SHISA6: variants seen among roughly 807,000 people sequenced by gnomAD.
SHISA6 encodes shisa family member 6, also known as protein shisa-6.
In SHISA6, 22 loss-of-function variants were observed where a neutral mutation model predicts 47.9. That is an observed-to-expected ratio of 0.46 (90% CI 0.33 to 0.66). The LOEUF is 0.66. Among genes scored for constraint, SHISA6 ranks in the 30% least tolerant of loss-of-function variants. The pLI is 0.02. For missense variants in SHISA6, 680 were observed against 764.6 expected, an observed-to-expected ratio of 0.89 and a Z score of 1.30; for synonymous variants, 388 against 337.8, an observed-to-expected ratio of 1.15 and a Z score of -1.63.
intron 3 of SHISA6, among the ~76,000 whole-genome samples, chr17:11,413,018 G>T (rs761236137): frequency 6.6e-6 from 1 of 152,100 alleles, no homozygotes; most frequent in Non-Finnish European, 1.5e-5. Flanking sequence ...ATTACTGGGG[G>T]AAAGGCATGA....
At chr17:11,388,246 C>G (rs1448189350) in intron 3 of SHISA6, among the ~76,000 whole-genome samples, 1 of 152,128 alleles carries the variant, frequency 6.6e-6, no homozygotes, top group African/African-American at 2.4e-5. Context: ...CAGAAGGCGT[C>G]GAGTCTCCAT....
intron 3 of SHISA6, among the ~76,000 whole-genome samples, chr17:11,444,073 C>CT (rs1474090047): frequency 6.6e-6 from 1 of 152,170 alleles, no homozygotes; most frequent in African/African-American, 2.4e-5. Flanking sequence ...AATCCCAACA[C>CT]TTTGGGAGGC....
intron 3 of SHISA6, among the ~76,000 whole-genome samples, chr17:11,526,440 AC>A (rs1232357628): frequency 6.6e-6 from 1 of 152,110 alleles, no homozygotes; most frequent in Non-Finnish European, 1.5e-5. Flanking sequence ...ACTATTTTCT[AC>A]CTGCTCCACA....
intron 2 of SHISA6, among the ~76,000 whole-genome samples, chr17:11,309,280 G>A (rs985875038): frequency 1.3e-5 from 2 of 152,220 alleles, no homozygotes; most frequent in African/African-American, 4.8e-5. Flanking sequence ...TGAAGCAAGT[G>A]TTTGCTGGCA....
chr17:11,327,967 TACAC>T (rs558438609), intron 2 of SHISA6, among the ~76,000 whole-genome samples: 55 of 152,150 alleles, frequency 3.6e-4, no homozygotes, highest in African/African-American at 1.2e-3. Context: ...CTCTCATAGA[TACAC>T]ACACACAGTT....
chr17:11,476,092 T>C (rs1159929662), intron 3 of SHISA6, among the ~76,000 whole-genome samples: 1 of 152,036 alleles, frequency 6.6e-6, no homozygotes, highest in African/African-American at 2.4e-5. Flanking sequence ...ATAGTACTTC[T>C]TTATTATTCT....
intron 1 of SHISA6, among the ~76,000 whole-genome samples, chr17:11,253,615 A>C (rs541808801): frequency 6.6e-6 from 1 of 152,120 alleles, no homozygotes; most frequent in East Asian, 1.9e-4. Flanking sequence ...TGTTTCGTTG[A>C]TAGGGATTAG....
chr17:11,274,665 T>C (rs893817223), intron 2 of SHISA6, among the ~76,000 whole-genome samples: 23 of 152,276 alleles, frequency 1.5e-4, no homozygotes, highest in Non-Finnish European at 7.4e-5. Flanking sequence ...CGTAGCTAGA[T>C]GTGCCACACC....
intron 2 of SHISA6, among the ~76,000 whole-genome samples, chr17:11,276,665 A>G (rs1908905345): frequency 6.6e-6 from 1 of 151,908 alleles, no homozygotes; most frequent in Non-Finnish European, 1.5e-5. Context: ...CATGACCATC[A>G]CCACTGCCAT....
chr17:11,481,799 T>C (rs1201232661), intron 3 of SHISA6, among the ~76,000 whole-genome samples: 3 of 151,700 alleles, frequency 2.0e-5, no homozygotes, highest in Non-Finnish European at 2.9e-5. Flanking sequence ...CCCCTGAAGA[T>C]ATATTTAAGA....
intron 3 of SHISA6, among the ~76,000 whole-genome samples, chr17:11,386,143 A>G (rs1913187973): frequency 6.6e-6 from 1 of 152,198 alleles, no homozygotes; most frequent in African/African-American, 2.4e-5. Flanking sequence ...TGGGAGGCCA[A>G]GGAGGGCAGA....
Position 11,332,245 on chromosome 17 carries a change from A to G in SHISA6, c.800-47169A>G, listed in dbSNP as rs1046340685. Reference sequence around the variant, plus strand: ...GAGACAGAAGCGCCAGCGTTGGGGAAAAAAAAAAAATGGAAAGACAATAAT... The same window carrying G: ...GAGACAGAAGCGCCAGCGTTGGGGAGAAAAAAAAAATGGAAAGACAATAAT... On this transcript the variant is annotated intron_variant, in intron 2 of 5. Transcript: ENST00000441885. 1.2e-3 allele frequency among the ~76,000 whole-genome samples: 31 copies of G among 25,540 alleles called. No homozygotes were observed. In the South Asian group the frequency reaches 0.09, roughly 74 times the overall value. 16.8% of individuals were successfully genotyped at this position (25,540 alleles called of 152,430 possible).
chr17:11,523,822 A>G (rs1191649447), intron 3 of SHISA6, among the ~76,000 whole-genome samples: 1 of 152,062 alleles, frequency 6.6e-6, no homozygotes, highest in Non-Finnish European at 1.5e-5. Context: ...CCTGACCGAC[A>G]TGGAGAAACT....
chr17:11,557,349 C>T (rs910715083), intron 5 of SHISA6, among the ~76,000 whole-genome samples: 5 of 152,078 alleles, frequency 3.3e-5, no homozygotes, highest in African/African-American at 4.8e-5. Context: ...TAGATACGGC[C>T]CAGGACCAGG....
In SHISA6 at chr17:11,263,622, T is replaced by C. The variant is rs1375809627; in HGVS notation, c.799+96T>C. The stretch of plus-strand genomic sequence containing the variant: ...TGGGGCAGGTTGTGGACCATGATGG[T>C]GTGATGAGGGACTCTCATGGACAGG... On this transcript the variant is annotated intron_variant, in intron 2 of 5. Transcript: ENST00000441885. The C allele has an allele frequency of 2.8e-6, 4 of 1,437,772 alleles. No individual in the cohort carries two copies. In the Admixed American group the frequency reaches 8.2e-5, roughly 29 times the overall value. The allele number at this position is 1,437,772 out of a possible 1,614,324, so 89.1% of individuals were successfully genotyped here. A position where few individuals can be genotyped will look rare whatever the true frequency, so the allele number is the denominator to read the frequency against.
intron 3 of SHISA6, among the ~76,000 whole-genome samples, chr17:11,476,558 A>G (rs540426724): frequency 6.6e-6 from 1 of 151,958 alleles, no homozygotes; most frequent in African/African-American, 2.4e-5. Flanking sequence ...TGTGTTGTTT[A>G]ATGTCTATGT....
At chr17:11,410,664 A>T (rs890957060) in intron 3 of SHISA6, among the ~76,000 whole-genome samples, 2 of 152,068 alleles carry the variant, frequency 1.3e-5, no homozygotes, top group African/African-American at 2.4e-5. Flanking sequence ...AGGACGCCCC[A>T]TGCATCCACT....
At chr17:11,389,772 C>T (rs1003394222) in intron 3 of SHISA6, among the ~76,000 whole-genome samples, 27 of 152,214 alleles carry the variant, frequency 1.8e-4, no homozygotes, top group Admixed American at 3.3e-4. Context: ...GGTCTTGGCA[C>T]TGAGTGGTCA....
chr17:11,373,416 TTTAA>T (rs56341042), intron 2 of SHISA6, among the ~76,000 whole-genome samples: 59,764 of 151,570 alleles, frequency 0.39, 12,289 homozygotes, highest in East Asian at 0.59. Flanking sequence ...CAAAAAATTG[TTTAA>T]TTGTCAAGCA....
Sources: allele counts gnomAD v4.1 joint callset (sites outside exome capture counted in the v4.1 genomes callset), GRCh38; gene constraint gnomAD v4.1.1; transcripts MANE v1.5; gene names NCBI Gene and HGNC (gene_info 2026-07-23, HGNC 2026-07-21).